Variants in HUWE1 observed in about 807,000 individuals in gnomAD.
The protein encoded by HUWE1 is HECT, UBA and WWE domain containing E3 ubiquitin protein ligase 1.
A neutral mutation model predicts 299.4 loss-of-function variants in HUWE1; 18 were observed. The observed-to-expected ratio is 0.06, with a 90% confidence interval of 0.04 to 0.09. HUWE1 has a LOEUF of 0.09. Among genes scored for constraint, HUWE1 ranks in the 10% least tolerant of loss-of-function variants. HUWE1 has a pLI of 1.00. For synonymous variants in HUWE1, 1,317 were observed against 1,286.1 expected (o/e 1.02, Z -0.51); for missense variants, 1,832 against 3,462.3 (o/e 0.53, Z 11.82).
At chrX:53,571,579 G>A (rs782194883) in intron 47 of HUWE1, among the ~76,000 whole-genome samples, 2 of 111,471 alleles carry the variant, frequency 1.8e-5, no homozygotes, top group East Asian at 5.6e-4. Flanking sequence ...TCTAGCCTGG[G>A]AGACAAAGTG....
chrX:53,663,815 C>T (rs2069124677), intron 3 of HUWE1, among the ~76,000 whole-genome samples: 1 of 108,413 alleles, frequency 9.2e-6, no homozygotes, highest in Non-Finnish European at 1.9e-5. Flanking sequence ...TATGTGATTA[C>T]ATTGTACTCT....
rs375219631 is a variant in HUWE1 at position 53,549,469 on chromosome X, G to A, written c.9525C>T (p.Leu3175=). 3 of 1,209,714 alleles carry A rather than the reference G, an allele frequency of 2.5e-6. No individual in the cohort carries two copies. The highest frequency in any genetic ancestry group is 1.8e-5 in the South Asian group (1 of 56,951). The change falls in exon 67 of 84, where the codon CTC becomes CTT. Residue 3175 remains leucine (L), a synonymous_variant. Transcript: ENST00000262854. ...SGSNVDTLLR[L]RGRLLLDHEA... Reference sequence around the variant, plus strand: ...CGTGGTCCAGAAGGAGCCGTCCTCGGAGGCGGAGGAGAGTATCTACATTAC... The same window carrying A: ...CGTGGTCCAGAAGGAGCCGTCCTCGAAGGCGGAGGAGAGTATCTACATTAC...
chrX:53,633,546 G>A (rs1557024364), intron 8 of HUWE1, among the ~76,000 whole-genome samples: 1 of 112,285 alleles, frequency 8.9e-6, no homozygotes, highest in South Asian at 3.7e-4. Flanking sequence ...GACCAGAAAA[G>A]AGCCATTCTC....
At position 53,535,362 on chromosome X, in the gene HUWE1, G is replaced by C. The variant is rs145617440; in HGVS notation, c.12649+22C>G. Reference sequence around the variant, plus strand: ...CCTCTTCTCATATTGAGCAACTAGAGGTCTAGGAACATTTCCCCTACCTGT... The same window carrying C: ...CCTCTTCTCATATTGAGCAACTAGACGTCTAGGAACATTTCCCCTACCTGT... On this transcript the variant is annotated intron_variant, in intron 81 of 83. Coordinates refer to ENST00000262854, the MANE Select transcript of HUWE1 (RefSeq NM_031407.7). The C allele has an allele frequency of 1.2e-4, 115 of 990,843 alleles. 1 individual carries two copies. The African/African-American group carries it at 1.6e-3, about 14-fold the overall frequency. 81.7% of individuals were successfully genotyped at this position (990,843 alleles called of 1,213,427 possible).
At chrX:53,605,466 C>A (rs1556995860) in intron 25 of HUWE1, among the ~76,000 whole-genome samples, 2 of 111,887 alleles carry the variant, frequency 1.8e-5, no homozygotes, top group African/African-American at 6.5e-5. Context: ...GCATTTAATT[C>A]AATATTTCAA....
chrX:53,580,266 C>A (rs1176570858), intron 43 of HUWE1, among the ~76,000 whole-genome samples: 1 of 111,951 alleles, frequency 8.9e-6, no homozygotes, highest in African/African-American at 3.2e-5. Context: ...TATCTGGATC[C>A]ACAGCCCAAC....
chrX:53,540,473 C>T (rs1556917662), intron 74 of HUWE1, among the ~76,000 whole-genome samples: 1 of 111,419 alleles, frequency 9.0e-6, no homozygotes, highest in African/African-American at 3.3e-5. Flanking sequence ...GAATTACAGG[C>T]ACAAGCCACC....
intron 3 of HUWE1, among the ~76,000 whole-genome samples, chrX:53,661,545 T>A (rs1355643437): frequency 9.0e-6 from 1 of 111,629 alleles, no homozygotes; most frequent in Non-Finnish European, 1.9e-5. Context: ...TCTTAGAAGT[T>A]AATCAGGTGA....
At chrX:53,671,376 G>C (rs1276282912) in intron 3 of HUWE1, among the ~76,000 whole-genome samples, 1 of 112,164 alleles carries the variant, frequency 8.9e-6, no homozygotes, top group Non-Finnish European at 1.9e-5. Flanking sequence ...ACTGAATGCT[G>C]AATTACCTGT....
At chrX:53,552,153 G>A (rs1382043826) in intron 63 of HUWE1, among the ~76,000 whole-genome samples, 158 bp downstream of exon 63, 5 of 111,500 alleles carry the variant, frequency 4.5e-5, no homozygotes, top group African/African-American at 1.6e-4. Flanking sequence ...GGCTGGACCC[G>A]TTTCATTATG....
intron 7 of HUWE1, among the ~76,000 whole-genome samples, chrX:53,636,506 C>CT (rs1421789228): frequency 8.9e-6 from 1 of 112,353 alleles, no homozygotes; most frequent in Admixed American, 9.4e-5. Context: ...GGCAGATCAC[C>CT]TGAGGTCAGG....
chrX:53,686,655 T>TCCA lies in HUWE1; in HGVS notation c.-330_-329insTGG, dbSNP rs1314907482. Reference sequence around the variant, plus strand: ...GTCCGCGGCCCTGCTTCAGCCCTGCTTCAGCCCTGCTCCAGCCCTGCTCCA... The same window carrying TCCA: ...GTCCGCGGCCCTGCTTCAGCCCTGCTCCATCAGCCCTGCTCCAGCCCTGCTCCA... On this transcript the variant is annotated 5_prime_UTR_variant, in exon 1 of 84. The change creates a new upstream start codon in the 5' untranslated region. Coordinates refer to ENST00000262854, the MANE Select transcript of HUWE1 (RefSeq NM_031407.7). 8.4e-6 allele frequency: 1 copy of TCCA among 119,197 alleles called. No individual in the cohort carries two copies. The allele number at this position is 119,197 out of a possible 1,213,427, so 9.8% of individuals were successfully genotyped here. A position where few individuals can be genotyped will look rare whatever the true frequency, so the allele number is the denominator to read the frequency against.
chrX:53,684,926 C>A (rs2070384875), intron 2 of HUWE1, among the ~76,000 whole-genome samples: 2 of 111,993 alleles, frequency 1.8e-5, no homozygotes, highest in Admixed American at 9.4e-5. Context: ...CAAAAAGATC[C>A]AATAAAGTGG....
intron 2 of HUWE1, among the ~76,000 whole-genome samples, chrX:53,682,816 CAGAA>C (rs1282871423): frequency 1.8e-5 from 2 of 111,290 alleles, no homozygotes; most frequent in African/African-American, 3.3e-5. Flanking sequence ...GCAGGGAAGA[CAGAA>C]AGCGGGTTTA....
At chrX:53,574,712 C>G (rs782490953) in intron 46 of HUWE1, among the ~76,000 whole-genome samples, 172 of 112,056 alleles carry the variant, frequency 1.5e-3, no homozygotes, top group African/African-American at 5.1e-3. Flanking sequence ...TAAGGAGAAG[C>G]AGCTCTTTAA....
At chrX:53,554,954 G>T in intron 60 of HUWE1, 34 bp from the exon 61 acceptor site, 1 of 1,095,565 alleles carries the variant, frequency 9.1e-7, no homozygotes, top group East Asian at 3.1e-5. Flanking sequence ...GTGGTTAAGG[G>T]GCAACCAGCC....
chrX:53,656,066 G>A (rs1039850289), intron 3 of HUWE1, among the ~76,000 whole-genome samples: 2 of 110,610 alleles, frequency 1.8e-5, no homozygotes, highest in Non-Finnish European at 3.8e-5. Context: ...GCAACAGAGC[G>A]AGACTCCATC....
intron 39 of HUWE1, among the ~76,000 whole-genome samples, chrX:53,586,082 C>T (rs1441100420): frequency 8.9e-6 from 1 of 112,354 alleles, no homozygotes; most frequent in Non-Finnish European, 1.9e-5. Flanking sequence ...TCTACAGCCC[C>T]TTATCTTGCC....
In HUWE1 at chrX:53,575,727, G is replaced by A; in HGVS notation, c.5946C>T (p.Asp1982=). ...MTQEVGQLLQ[D]MGDDVYQQYR... The stretch of plus-strand genomic sequence containing the variant: ...ACTGCTGGTATACATCATCACCCAT[G>A]TCTTGCAGGAGCTGGCCAACCTCTT... The change falls in exon 45 of 84, where the codon GAC becomes GAT. Residue 1982 remains aspartate, a synonymous_variant. Transcript: ENST00000262854. The A allele has an allele frequency of 8.3e-7, 1 of 1,210,947 alleles. No homozygotes were observed. Among genetic ancestry groups the A allele is most frequent in the Non-Finnish European group, 1.1e-6 (1 of 894,425 alleles).
Sources: allele counts gnomAD v4.1 joint callset (sites outside exome capture counted in the v4.1 genomes callset), GRCh38; gene constraint gnomAD v4.1.1; transcripts MANE v1.5; gene names NCBI Gene and HGNC (gene_info 2026-07-23, HGNC 2026-07-21).